The following KDM3B variants were observed in gnomAD, a reference collection of about 807,000 sequenced individuals.
KDM3B encodes lysine demethylase 3B.
KDM3B carries 10 observed loss-of-function variants against 170.0 expected under a neutral mutation model. That is an observed-to-expected ratio of 0.06 (90% CI 0.04 to 0.10). The LOEUF is 0.10. KDM3B is among the 10% of genes least tolerant of loss of function. KDM3B has a pLI of 1.00. For missense variants in KDM3B, 1,394 were observed against 2,195.2 expected, an observed-to-expected ratio of 0.64 and a Z score of 7.29; for synonymous variants, 831 against 834.8, an observed-to-expected ratio of 1.00 and a Z score of 0.08.
intron 19 of KDM3B, among the ~76,000 whole-genome samples, chr5:138,427,530 C>CT (rs1353132812): frequency 6.6e-6 from 1 of 152,156 alleles, no homozygotes; most frequent in Non-Finnish European, 1.5e-5. Flanking sequence ...GCTTACATGT[C>CT]TCCAGTAGTG....
chr5:138,432,082 A>T (rs1423649718), intron 23 of KDM3B, among the ~76,000 whole-genome samples: 2 of 152,216 alleles, frequency 1.3e-5, no homozygotes, highest in Non-Finnish European at 2.9e-5. Context: ...CTGTTGTGAC[A>T]GTCCTCATTT....
At chr5:138,414,293 G>C (rs781522056) in intron 11 of KDM3B, among the ~76,000 whole-genome samples, 3 of 152,176 alleles carry the variant, frequency 2.0e-5, no homozygotes, top group Non-Finnish European at 4.4e-5. Flanking sequence ...AGCCTCCGGA[G>C]TAGCTGGGAC....
intron 20 of KDM3B, 117 bp downstream of exon 20, chr5:138,428,203 C>CT (rs1763442624): frequency 6.8e-5 from 70 of 1,030,232 alleles, no homozygotes; most frequent in Non-Finnish European, 8.5e-5. Context: ...TTTCTTTTTT[C>CT]TGTTTTTTTT....
chr5:138,432,934 C>G (rs1026127243), intron 23 of KDM3B, among the ~76,000 whole-genome samples: 1 of 151,494 alleles, frequency 6.6e-6, no homozygotes, highest in Non-Finnish European at 1.5e-5. Context: ...TTAGTAGAGA[C>G]GGGGTTTCAC....
chr5:138,358,376 C>T (rs1380525115), intron 1 of KDM3B, among the ~76,000 whole-genome samples: 3 of 146,196 alleles, frequency 2.1e-5, no homozygotes, highest in Non-Finnish European at 4.5e-5. Context: ...GCGATCTCAG[C>T]TCACTGCAAC....
chr5:138,430,543 C>A, intron 22 of KDM3B, 118 bp downstream of exon 22: 1 of 899,462 alleles, frequency 1.1e-6, no homozygotes, highest in Non-Finnish European at 1.7e-6. Flanking sequence ...TCTTATGCTG[C>A]AACTTATTTT....
intron 23 of KDM3B, 152 bp downstream of exon 23, chr5:138,431,711 C>T: frequency 1.5e-6 from 1 of 685,948 alleles, no homozygotes; most frequent in Non-Finnish European, 2.2e-6. Flanking sequence ...GATATGGAGT[C>T]CTTTTAGGAA....
intron 10 of KDM3B, among the ~76,000 whole-genome samples, 156 bp downstream of exon 10, chr5:138,398,548 C>A (rs1399226963): frequency 6.6e-6 from 1 of 152,172 alleles, no homozygotes; most frequent in South Asian, 2.1e-4. Flanking sequence ...GTCGTTGAGA[C>A]CTTAACTATA....
chr5:138,420,985 G>A (rs746011734), intron 15 of KDM3B, 23 bp downstream of exon 15: 1 of 1,611,914 alleles, frequency 6.2e-7, no homozygotes, highest in African/African-American at 1.3e-5. Context: ...TGCAACTGTA[G>A]CCTTTTCAGC....
rs571712545 is a variant in KDM3B, at chr5:138,421,411, C to T, written c.3972+449C>T. On this transcript the variant is annotated intron_variant, in intron 15 of 23. Transcript: ENST00000314358. The stretch of plus-strand genomic sequence containing the variant: ...TCTCTGCCCTTGTGATTGCTTGCAC[C>T]AGAAATCTTAGAATCATTTGGGACT... Among the ~76,000 whole-genome samples the T allele has an allele frequency of 9.1e-4, 139 of 152,282 alleles. 1 individual carries two copies. Among genetic ancestry groups the T allele is most frequent in the Non-Finnish European group, 1.6e-3 (107 of 68,024 alleles).
At chr5:138,397,287 A>G (rs964090766) in intron 9 of KDM3B, among the ~76,000 whole-genome samples, 1 of 152,236 alleles carries the variant, frequency 6.6e-6, no homozygotes, top group African/African-American at 2.4e-5. Context: ...GTGAGCCAAG[A>G]TCGCACCACT....
In KDM3B at chr5:138,430,168, T is replaced by TA. The variant is rs2127006556; in HGVS notation, c.4894-80dup. 1.5e-5 allele frequency: 22 copies of TA among 1,501,202 alleles called. No homozygotes were observed. The South Asian group carries it at 2.7e-4, about 18-fold the overall frequency. The allele number at this position is 1,501,202 out of a possible 1,614,324, so 93.0% of individuals were successfully genotyped here. The stretch of plus-strand genomic sequence containing the variant: ...AAGTTTTGCCATCCCCACCCCATCT[T>TA]AGGACATTGCTGCAGCAAGTTGGAT... On this transcript the variant is annotated intron_variant, in intron 21 of 23. Coordinates refer to ENST00000314358, the MANE Select transcript of KDM3B (RefSeq NM_016604.4).
chr5:138,419,716 T>TACAC (rs1284802955), intron 14 of KDM3B, among the ~76,000 whole-genome samples: 2 of 87,180 alleles, frequency 2.3e-5, no homozygotes, highest in South Asian at 7.3e-4. Flanking sequence ...CACACATATA[T>TACAC]ATACACACAC....
intron 7 of KDM3B, 117 bp from the exon 8 acceptor site, chr5:138,390,894 AAG>A: frequency 6.3e-6 from 6 of 946,590 alleles, no homozygotes; most frequent in Non-Finnish European, 9.3e-6. Flanking sequence ...GGAATTGTAA[AAG>A]AGAAAAGTTG....
intron 7 of KDM3B, among the ~76,000 whole-genome samples, chr5:138,387,108 G>A (rs940724195): frequency 9.2e-5 from 14 of 152,114 alleles, no homozygotes; most frequent in African/African-American, 3.1e-4. Flanking sequence ...ATATGGCCAT[G>A]GAAGGTTTTT....
At chr5:138,431,350 A>T in intron 22 of KDM3B, 75 bp from the exon 23 acceptor site, 1 of 1,256,134 alleles carries the variant, frequency 8.0e-7, no homozygotes, top group Admixed American at 2.6e-5. Context: ...TTTTTTAACT[A>T]TATCATGGAC....
At chr5:138,418,223 G>A (rs747947471) in intron 13 of KDM3B, among the ~76,000 whole-genome samples, 1 of 151,954 alleles carries the variant, frequency 6.6e-6, no homozygotes, top group Non-Finnish European at 1.5e-5. Context: ...GGGACTACAG[G>A]CATGCGCCAC....
At chr5:138,354,736 G>T (rs1761409629) in intron 1 of KDM3B, among the ~76,000 whole-genome samples, 1 of 152,190 alleles carries the variant, frequency 6.6e-6, no homozygotes, top group African/African-American at 2.4e-5. Flanking sequence ...AAGTTGCAGT[G>T]ATTCTTGGAA....
chr5:138,363,211 C>T (rs561929001), intron 1 of KDM3B, among the ~76,000 whole-genome samples: 8 of 152,144 alleles, frequency 5.3e-5, no homozygotes, highest in African/African-American at 1.9e-4. Context: ...CTCTTCTATT[C>T]CCTGACCACT....
Sources: gnomAD v4.1 joint callset for allele counts (sites outside exome capture counted in the v4.1 genomes callset) on GRCh38, gnomAD v4.1.1 for gene constraint, MANE v1.5 for transcripts, NCBI Gene and HGNC (gene_info 2026-07-23, HGNC 2026-07-21) for gene names.